Variants in RASAL2 observed in about 807,000 individuals in gnomAD.
RASAL2 encodes the protein ras GTPase-activating protein nGAP.
RASAL2 carries 58 observed loss-of-function variants against 128.9 expected under a neutral mutation model. That is an observed-to-expected ratio of 0.45 (90% confidence interval 0.36 to 0.56). The LOEUF (loss-of-function observed/expected upper bound fraction) is 0.56. RASAL2 is among the 20% of genes least tolerant of loss of function. The probability of loss-of-function intolerance (pLI) is 0.00; values close to 1 mark genes in which losing one functional copy is unlikely to be tolerated. For synonymous variants in RASAL2, 561 were observed against 580.8 expected, an observed-to-expected ratio of 0.97 and a Z score of 0.49; for missense variants, 1,360 against 1,601.6, an observed-to-expected ratio of 0.85 and a Z score of 2.57.
intron 3 of RASAL2, among the ~76,000 whole-genome samples, chr1:178,339,653 T>G (rs1669767594): frequency 6.6e-6 from 1 of 152,210 alleles, no homozygotes; most frequent in Admixed American, 6.5e-5. Flanking sequence ...TGAGGCCACT[T>G]TAGCCATTTT....
In RASAL2 at chr1:178,259,373, C is replaced by T. The variant is rs1053548298; in HGVS notation, c.203-24191C>T. On this transcript the variant is annotated intron_variant, in intron 1 of 17. Transcript: ENST00000367649. ...GTCTCGATCTCCTGACCTCGTGATC[C>T]GCCCGCCTCGGCCTCCCAAAGTGTG... is the stretch of plus-strand genomic sequence containing the variant. Among the ~76,000 whole-genome samples, 17 of 151,928 alleles carry T rather than the reference C, an allele frequency of 1.1e-4. No homozygotes were observed. The South Asian group carries it at 1.7e-3, about 15-fold the overall frequency.
intron 4 of RASAL2, among the ~76,000 whole-genome samples, chr1:178,406,918 C>A (rs1178089406): frequency 1.3e-5 from 2 of 151,810 alleles, no homozygotes; most frequent in African/African-American, 4.8e-5. Flanking sequence ...TTATTAATTT[C>A]TGTGCTTTGT....
intron 1 of RASAL2, among the ~76,000 whole-genome samples, chr1:178,227,356 A>G (rs1180359766): frequency 6.6e-6 from 1 of 152,146 alleles, no homozygotes; most frequent in Non-Finnish European, 1.5e-5. Context: ...TTTAGGGTGC[A>G]GTTTTGCTTA....
intron 3 of RASAL2, among the ~76,000 whole-genome samples, chr1:178,355,335 G>A (rs1439422228): frequency 6.6e-6 from 1 of 152,134 alleles, no homozygotes; most frequent in African/African-American, 2.4e-5. Flanking sequence ...GTGCATATAT[G>A]TACATTTTAC....
intron 1 of RASAL2, among the ~76,000 whole-genome samples, chr1:178,119,972 TTCTC>T (rs1659655812): frequency 3.3e-5 from 5 of 152,248 alleles, no homozygotes; most frequent in African/African-American, 4.8e-5. Context: ...ATTAAAGGGT[TTCTC>T]AGCTTTAGCA....
At chr1:178,140,266 C>T (rs976851481) in intron 1 of RASAL2, among the ~76,000 whole-genome samples, 2 of 152,098 alleles carry the variant, frequency 1.3e-5, no homozygotes, top group African/African-American at 4.8e-5. Flanking sequence ...TGCCACTCTC[C>T]CCCAACCACA....
At chr1:178,371,809 T>G (rs1438598553) in intron 3 of RASAL2, among the ~76,000 whole-genome samples, 1 of 152,228 alleles carries the variant, frequency 6.6e-6, no homozygotes, top group Non-Finnish European at 1.5e-5. Flanking sequence ...CTTAACTGAT[T>G]AGCTATTGTG....
intron 3 of RASAL2, among the ~76,000 whole-genome samples, chr1:178,349,099 C>T (rs1374440336): frequency 4.6e-5 from 7 of 150,818 alleles, no homozygotes; most frequent in South Asian, 2.1e-4. Context: ...GCGCCCGGCC[C>T]GACACCAGGT....
rs150653680 is a variant in RASAL2 at position 178,107,531 on chromosome 1, T to G, written c.202+12837T>G. On this transcript the variant is annotated intron_variant, in intron 1 of 17. Transcript: ENST00000367649. ...TTAATAAGTATACAATTTAATGATA[T>G]TAAATACATTCATAATGTTGTGTAA... is the stretch of plus-strand genomic sequence containing the variant. 3.9e-5 allele frequency among the ~76,000 whole-genome samples: 6 copies of G among 152,284 alleles called. No homozygotes were observed. In the East Asian group the frequency reaches 9.6e-4, roughly 24 times the overall value.
Position 178,094,481 on chromosome 1 carries a change from C to G in RASAL2, c.-12C>G. 1 of 1,541,162 alleles carries G rather than the reference C, an allele frequency of 6.5e-7. No homozygotes were observed. The highest frequency in any genetic ancestry group is 8.7e-7 in the Non-Finnish European group (1 of 1,143,612). On this transcript the variant is annotated 5_prime_UTR_variant, in exon 1 of 18. Coordinates refer to ENST00000367649, the MANE Select transcript of RASAL2 (RefSeq NM_170692.4). The stretch of plus-strand genomic sequence containing the variant: ...AAGCCGCCGCCTCGTCCCCCTCCCG[C>G]CTCGGGGCACCATGGAGCTCTCTCC...
At chr1:178,420,693 C>A in intron 5 of RASAL2, 73 bp downstream of exon 5, 2 of 1,118,626 alleles carry the variant, frequency 1.8e-6, no homozygotes, top group Non-Finnish European at 2.5e-6. Context: ...TTGGTCTATT[C>A]TGAATTTGAA....
At chr1:178,307,431 A>G (rs564940406) in intron 3 of RASAL2, among the ~76,000 whole-genome samples, 62 of 152,306 alleles carry the variant, frequency 4.1e-4, no homozygotes, top group Non-Finnish European at 4.0e-4. Context: ...TCAAAAGACT[A>G]TCTAGATTCA....
At chr1:178,165,177 G>A (rs751025530) in intron 1 of RASAL2, among the ~76,000 whole-genome samples, 1 of 151,836 alleles carries the variant, frequency 6.6e-6, no homozygotes, top group African/African-American at 2.4e-5. Flanking sequence ...AAAACTGTAC[G>A]TGCAGGTGTA....
intron 3 of RASAL2, among the ~76,000 whole-genome samples, chr1:178,328,546 CTCTT>C (rs1669146003): frequency 6.6e-6 from 1 of 152,140 alleles, no homozygotes; most frequent in South Asian, 2.1e-4. Flanking sequence ...TCAAATTCAT[CTCTT>C]TATGTTTTTA....
intron 8 of RASAL2, 100 bp from the exon 9 acceptor site, chr1:178,445,418 T>C: frequency 1.5e-6 from 2 of 1,321,358 alleles, no homozygotes; most frequent in Non-Finnish European, 2.1e-6. Flanking sequence ...AGCTTTAGTT[T>C]TAAAGCAGCA....
At chr1:178,159,805 C>T (rs1368554207) in intron 1 of RASAL2, among the ~76,000 whole-genome samples, 1 of 151,948 alleles carries the variant, frequency 6.6e-6, no homozygotes, top group East Asian at 1.9e-4. Flanking sequence ...ACTCGGGAGG[C>T]TGAGGCAGGA....
chr1:178,283,690 A>G lies in RASAL2; in HGVS notation c.329A>G (p.Glu110Gly), dbSNP rs1246411445. ...TTGGTATTGCTCAACAAGGAGAAGG[A>G]GGTGAGATGGATATTATTCAGGAAA... Reference protein sequence around the residue: ...SQLVLLNKEKEIPVEGGQEQQ... With the variant: ...SQLVLLNKEKGIPVEGGQEQQ... Residue 110 changes from glutamate (E) to glycine (G), a missense_variant and splice_region_variant, in exon 2 of 18, where the codon GAG becomes GGG. Physicochemically the swap from Glu to Gly is moderately conservative, Grantham distance 98. Around this residue, in one of 3 missense-constraint regions of RASAL2, gnomAD observed 617 missense variants for 714.2 expected, o/e 0.86. Transcript: ENST00000367649. 1.2e-6 allele frequency: 2 copies of G among 1,613,294 alleles called. No homozygotes were observed. The highest frequency in any genetic ancestry group is 1.7e-6 in the Non-Finnish European group (2 of 1,179,826).
At chr1:178,414,811 A>G (rs1027940452) in intron 4 of RASAL2, among the ~76,000 whole-genome samples, 1 of 152,044 alleles carries the variant, frequency 6.6e-6, no homozygotes. Context: ...CATATTGTCT[A>G]TTTCTTCCTG....
chr1:178,406,771 A>G (rs1674026598), intron 4 of RASAL2, among the ~76,000 whole-genome samples: 2 of 151,898 alleles, frequency 1.3e-5, no homozygotes, highest in Admixed American at 1.3e-4. Context: ...TAACATGTCA[A>G]TATGTGTTTT....
Sources: allele counts gnomAD v4.1 joint callset (sites outside exome capture counted in the v4.1 genomes callset), GRCh38; gene constraint gnomAD v4.1.1; regional missense constraint gnomAD v4.1.1; transcripts MANE v1.5; gene names NCBI Gene and HGNC (gene_info 2026-07-23, HGNC 2026-07-21).